The following TENM2 variants were observed in gnomAD, a reference collection of about 807,000 sequenced individuals.
The protein encoded by TENM2 is teneurin transmembrane protein 2, also known as teneurin-2.
TENM2 carries 52 observed loss-of-function variants against 245.2 expected under a neutral mutation model. That is an observed-to-expected ratio of 0.21 (90% CI 0.17 to 0.27). TENM2 has a LOEUF of 0.27. Among genes scored for constraint, TENM2 ranks in the 10% least tolerant of loss-of-function variants. The probability of loss-of-function intolerance (pLI) is 1.00; values close to 1 mark genes in which losing one functional copy is unlikely to be tolerated. For synonymous variants in TENM2, 1,363 were observed against 1,438.9 expected (o/e 0.95, Z 1.19); for missense variants, 3,046 against 3,666.8 (o/e 0.83, Z 4.37).
At chr5:167,188,522 A>G in the TENM2 span, among the ~76,000 whole-genome samples, 16 of 152,172 alleles carry the variant, frequency 1.1e-4, no homozygotes, top group Admixed American at 2.0e-4. Context: ...CTCAGTATAA[A>G]AGGGAAAGAG....
At chr5:167,474,436 TCTTA>T (rs1406183460) in intron 2 of TENM2, among the ~76,000 whole-genome samples, 3 of 152,180 alleles carry the variant, frequency 2.0e-5, no homozygotes, top group African/African-American at 7.2e-5. Flanking sequence ...CTGTTACAAC[TCTTA>T]CTTTTCCCAT....
chr5:167,402,654 A>G (rs935595190), intron 2 of TENM2, among the ~76,000 whole-genome samples: 3 of 152,090 alleles, frequency 2.0e-5, no homozygotes, highest in African/African-American at 7.2e-5. Flanking sequence ...TCCAGTGCAC[A>G]TAGAATGGAC....
At position 167,339,155 on chromosome 5, in the gene TENM2, C is replaced by G. The variant is rs142723668; in HGVS notation, c.227-36043C>G. 1.3e-3 allele frequency among the ~76,000 whole-genome samples: 204 copies of G among 152,336 alleles called. 2 individuals are homozygous for G. The highest frequency in any genetic ancestry group is 4.5e-3 in the African/African-American group (189 of 41,570). Reference sequence around the variant, plus strand: ...AGCCCTAAAGTCTAAAGTCCAAACTCTCATCTAAATAGTATCTAAATCAGA... The same window carrying G: ...AGCCCTAAAGTCTAAAGTCCAAACTGTCATCTAAATAGTATCTAAATCAGA... On this transcript the variant is annotated intron_variant, in intron 1 of 28. Coordinates refer to ENST00000518659, the Ensembl canonical transcript of TENM2.
chr5:167,079,505 G>T, the TENM2 span, among the ~76,000 whole-genome samples: 1 of 150,988 alleles, frequency 6.6e-6, no homozygotes, highest in African/African-American at 2.4e-5. Flanking sequence ...TAGAGACAGG[G>T]TTTCTCCACA....
intron 2 of TENM2, among the ~76,000 whole-genome samples, chr5:167,861,050 A>T (rs1442392177): frequency 2.8e-3 from 68 of 24,104 alleles, no homozygotes; most frequent in African/African-American, 4.0e-3. Context: ...AAAAAAAAAA[A>T]TTAAAAAAAA....
chr5:167,466,998 T>C (rs1348495521), intron 2 of TENM2, among the ~76,000 whole-genome samples: 1 of 152,122 alleles, frequency 6.6e-6, no homozygotes, highest in Non-Finnish European at 1.5e-5. Flanking sequence ...CCCAGCCAAA[T>C]TGGAGGAAAT....
At chr5:166,997,535 A>G in the TENM2 span, among the ~76,000 whole-genome samples, 5 of 152,200 alleles carry the variant, frequency 3.3e-5, no homozygotes, top group African/African-American at 9.6e-5. Context: ...TAAATATAGT[A>G]TACTCTGGAT....
chr5:167,334,835 G>C (rs1430256933), intron 1 of TENM2, among the ~76,000 whole-genome samples: 1 of 152,156 alleles, frequency 6.6e-6, no homozygotes, highest in African/African-American at 2.4e-5. Context: ...AGCCATATTT[G>C]TCTTTTGAAA....
the TENM2 span, among the ~76,000 whole-genome samples, chr5:167,056,641 A>C: frequency 6.8e-6 from 1 of 147,102 alleles, no homozygotes; most frequent in Non-Finnish European, 1.5e-5. Flanking sequence ...ATATCTATAT[A>C]AATATATCTA....
At chr5:167,070,783 G>T in the TENM2 span, among the ~76,000 whole-genome samples, 1 of 152,090 alleles carries the variant, frequency 6.6e-6, no homozygotes, top group Non-Finnish European at 1.5e-5. Flanking sequence ...ACTGTACCCA[G>T]TGTACTACTG....
chr5:167,477,793 G>C (rs1381742717), intron 2 of TENM2, among the ~76,000 whole-genome samples: 2 of 151,872 alleles, frequency 1.3e-5, no homozygotes, highest in Non-Finnish European at 2.9e-5. Context: ...ATAGATGATA[G>C]ACAGATAGAC....
chr5:167,872,506 AAGAAAGAAAGAAAGAAAGAAAG>A (rs1561881078), intron 2 of TENM2, among the ~76,000 whole-genome samples: 5 of 15,076 alleles, frequency 3.3e-4, no homozygotes, highest in African/African-American at 5.4e-4. Context: ...GAAAGAAAGA[AAGAAAGAAAGAAAGAAAGAAAG>A]AAAGAAAGAA....
intron 3 of TENM2, among the ~76,000 whole-genome samples, chr5:167,933,268 T>C (rs748494123): frequency 2.6e-5 from 4 of 152,220 alleles, no homozygotes; most frequent in Non-Finnish European, 5.9e-5. Flanking sequence ...TGTTAACACA[T>C]GACTTTTAAA....
chr5:167,166,447 T>C, the TENM2 span, among the ~76,000 whole-genome samples: 1 of 152,206 alleles, frequency 6.6e-6, no homozygotes, highest in Non-Finnish European at 1.5e-5. Flanking sequence ...GATGTGGGAC[T>C]CTCTGTCCTT....
chr5:167,855,498 GT>G (rs929621170), intron 2 of TENM2, among the ~76,000 whole-genome samples: 2 of 151,746 alleles, frequency 1.3e-5, no homozygotes, highest in Admixed American at 1.3e-4. Context: ...TGTTTTTGCC[GT>G]TATTTATGTG....
At chr5:167,505,079 A>G (rs200310207) in intron 2 of TENM2, among the ~76,000 whole-genome samples, 17 of 151,772 alleles carry the variant, frequency 1.1e-4, no homozygotes, top group Non-Finnish European at 2.1e-4. Context: ...ATTGGCGGGG[A>G]TGGATTGTAT....
At chr5:167,612,905 A>T (rs1356949513) in intron 2 of TENM2, among the ~76,000 whole-genome samples, 1 of 152,178 alleles carries the variant, frequency 6.6e-6, no homozygotes, top group Non-Finnish European at 1.5e-5. Context: ...GAGAGTTTCC[A>T]GTAACAAAAA....
intron 2 of TENM2, among the ~76,000 whole-genome samples, chr5:167,605,275 A>G (rs1231696236): frequency 6.6e-6 from 1 of 152,196 alleles, no homozygotes; most frequent in Non-Finnish European, 1.5e-5. Context: ...AGCAGTAGTC[A>G]TTTAAAAAAT....
At chr5:167,531,174 C>T (rs1472159229) in intron 2 of TENM2, among the ~76,000 whole-genome samples, 2 of 152,226 alleles carry the variant, frequency 1.3e-5, no homozygotes, top group African/African-American at 2.4e-5. Flanking sequence ...CCCCCTTATA[C>T]CTCTCAGATT....
Sources: gnomAD v4.1 joint callset for allele counts (sites outside exome capture counted in the v4.1 genomes callset) on GRCh38, gnomAD v4.1.1 for gene constraint, MANE v1.5 for transcripts, NCBI Gene and HGNC (gene_info 2026-07-23, HGNC 2026-07-21) for gene names.